The following CACNA2D4 variants were observed in gnomAD, a reference collection of about 807,000 sequenced individuals.
CACNA2D4 encodes the protein calcium voltage-gated channel auxiliary subunit alpha2delta 4, also known as voltage-dependent calcium channel subunit alpha-2/delta-4.
Under a neutral mutation model 163.8 loss-of-function variants are expected in CACNA2D4, and 157 were observed. That is an observed-to-expected ratio of 0.96 (90% CI 0.84 to 1.09). CACNA2D4 has a LOEUF of 1.09. Among genes scored for constraint, CACNA2D4 ranks in the 50% least tolerant of loss-of-function variants. The pLI is 0.00. For missense variants in CACNA2D4, 1,410 were observed against 1,479.9 expected (o/e 0.95, Z 0.78); for synonymous variants, 598 against 586.9 (o/e 1.02, Z -0.27).
chr12:1,864,428 C>T (rs899496215), intron 18 of CACNA2D4, among the ~76,000 whole-genome samples: 7 of 152,234 alleles, frequency 4.6e-5, no homozygotes, highest in African/African-American at 1.7e-4. Flanking sequence ...TCCATAGTTA[C>T]TCTGCCGTGT....
intron 1 of CACNA2D4, 101 bp downstream of exon 1, chr12:1,918,146 G>T: frequency 1.2e-6 from 1 of 833,998 alleles, no homozygotes; most frequent in Non-Finnish European, 2.0e-6. Context: ...CCAGAGGGAG[G>T]GCAGGGGCGG....
Position 1,833,044 on chromosome 12 carries a change from C to T in CACNA2D4, c.2551+7695G>A, listed in dbSNP as rs967230207. Reference sequence around the variant, plus strand: ...GGGAACTAGGCCGGGTGTCTTCAGACCCTCCTCTCCTGTGGTCGCCGGGAA... The same window carrying T: ...GGGAACTAGGCCGGGTGTCTTCAGATCCTCCTCTCCTGTGGTCGCCGGGAA... On this transcript the variant is annotated intron_variant, in intron 26 of 37. Transcript: ENST00000382722. The surrounding 1 kb of genome is among the most constrained non-coding windows in gnomAD (Gnocchi z 4.2). Among the ~76,000 whole-genome samples the T allele has an allele frequency of 6.6e-6, 1 of 152,212 alleles. No individual in the cohort carries two copies. The highest frequency in any genetic ancestry group is 2.4e-5 in the African/African-American group (1 of 41,444).
rs1374345468 is a variant in CACNA2D4, at chr12:1,828,344, G to A, written c.2551+12395C>T. The A allele has an allele frequency of 9.7e-6, 8 of 826,112 alleles. No homozygotes were observed. Among genetic ancestry groups the A allele is most frequent in the Non-Finnish European group, 1.2e-5 (7 of 560,334 alleles). The allele number at this position is 826,112 out of a possible 1,614,324, so 51.2% of individuals were successfully genotyped here. ...GAGGCCTACGCCAGATCTTCCTGGG[G>A]TACCCGAGGCTATGTTCTGGGAAGC... On this transcript the variant is annotated intron_variant, in intron 26 of 37. Coordinates refer to ENST00000382722, the MANE Select transcript of CACNA2D4 (RefSeq NM_172364.5). This position sits in a 1 kb window ranked among gnomAD's most constrained non-coding sequence, Gnocchi z 4.2.
At chr12:1,840,671 T>G in intron 26 of CACNA2D4, 68 bp downstream of exon 26, 23 of 1,337,882 alleles carry the variant, frequency 1.7e-5, no homozygotes, top group Non-Finnish European at 2.0e-5. Flanking sequence ...CCTTCTGCTG[T>G]GATCTATGCC....
intron 20 of CACNA2D4, among the ~76,000 whole-genome samples, chr12:1,856,894 G>A (rs1865412694): frequency 6.6e-6 from 1 of 152,204 alleles, no homozygotes; most frequent in Non-Finnish European, 1.5e-5. Context: ...TGGGGCATCT[G>A]TGGAGCCTCA....
At chr12:1,870,973 G>A (rs1214383532) in intron 18 of CACNA2D4, among the ~76,000 whole-genome samples, 1 of 152,238 alleles carries the variant, frequency 6.6e-6, no homozygotes, top group South Asian at 2.1e-4. Flanking sequence ...AATCCAGGGT[G>A]CAGGGATTCA....
chr12:1,913,956 C>CG (rs746366580), intron 2 of CACNA2D4, among the ~76,000 whole-genome samples: 76 of 152,240 alleles, frequency 5.0e-4, no homozygotes, highest in Non-Finnish European at 9.0e-4. Context: ...CTCCTCTCCC[C>CG]GGGCTGTGGT....
chr12:1,810,364 G>T, intron 28 of CACNA2D4, 24 bp from the exon 29 acceptor site: 2 of 1,610,374 alleles, frequency 1.2e-6, no homozygotes, highest in Non-Finnish European at 1.7e-6. Context: ...CAGAAGGGAG[G>T]TTATGCCAGG....
intron 23 of CACNA2D4, 28 bp from the exon 24 acceptor site, chr12:1,846,717 C>T (rs774899577): frequency 7.7e-6 from 12 of 1,554,750 alleles, no homozygotes; most frequent in African/African-American, 4.1e-5. Context: ...CGGGAATGGT[C>T]ACCACATGGC....
At chr12:1,858,686 A>G (rs374640364) in intron 19 of CACNA2D4, 42 bp from the exon 20 acceptor site, 23 of 1,516,526 alleles carry the variant, frequency 1.5e-5, no homozygotes, top group Non-Finnish European at 2.1e-5. Flanking sequence ...GCAGCAGCAG[A>G]TGCCGGCCTG....
intron 7 of CACNA2D4, 41 bp downstream of exon 7, chr12:1,886,968 T>G: frequency 1.4e-6 from 2 of 1,478,820 alleles, no homozygotes; most frequent in Non-Finnish European, 1.9e-6. Context: ...AGCTATGAGA[T>G]AAATACCCGG....
chr12:1,828,126 C>A lies in CACNA2D4; in HGVS notation c.2551+12613G>T. 6.6e-7 allele frequency: 1 copy of A among 1,520,882 alleles called. No homozygotes were observed. 94.2% of individuals were successfully genotyped at this position (1,520,882 alleles called of 1,614,324 possible). On this transcript the variant is annotated intron_variant, in intron 26 of 37. Coordinates refer to ENST00000382722, the MANE Select transcript of CACNA2D4 (RefSeq NM_172364.5). This position sits in a 1 kb window ranked among gnomAD's most constrained non-coding sequence, Gnocchi z 4.2. ...CTCCTCTCTCCCCAGAGCGACAGGG[C>A]CCGGAGAGCCGTGGGCCTCACCATG...
intron 18 of CACNA2D4, among the ~76,000 whole-genome samples, chr12:1,871,679 A>G (rs961064538): frequency 6.6e-6 from 1 of 151,710 alleles, no homozygotes; most frequent in Admixed American, 6.6e-5. Context: ...GTATGTGTGT[A>G]CACATGTGCT....
intron 6 of CACNA2D4, among the ~76,000 whole-genome samples, chr12:1,894,505 G>A (rs936995499): frequency 4.6e-5 from 7 of 152,076 alleles, no homozygotes; most frequent in African/African-American, 1.7e-4. Flanking sequence ...ATACTAGCAA[G>A]CCAAATCCAA....
chr12:1,855,867 T>C, intron 22 of CACNA2D4, 145 bp downstream of exon 22: 1 of 639,194 alleles, frequency 1.6e-6, no homozygotes, highest in Non-Finnish European at 2.8e-6. Flanking sequence ...TCTTTGGGAA[T>C]CTCCCTGTTT....
At chr12:1,867,867 T>C (rs1229716143) in intron 18 of CACNA2D4, among the ~76,000 whole-genome samples, 1 of 152,170 alleles carries the variant, frequency 6.6e-6, no homozygotes, top group Non-Finnish European at 1.5e-5. Flanking sequence ...TTTGAAAAGC[T>C]GCTCAACATC....
At chr12:1,796,042 A>G in intron 35 of CACNA2D4, 1 of 500,592 alleles carries the variant, frequency 2.0e-6, no homozygotes, top group Non-Finnish European at 3.6e-6. Flanking sequence ...GCCGCTTTGG[A>G]GAGTGCAGAG....
Position 1,878,598 on chromosome 12 carries a change from C to T in CACNA2D4, c.1645-209G>A, listed in dbSNP as rs1274734556. On this transcript the variant is annotated intron_variant, in intron 15 of 37. Transcript: ENST00000382722. The surrounding 1 kb of genome is among the most constrained non-coding windows in gnomAD (Gnocchi z 4.6). ...CCGGACTGTTTATAGCAACCGTCAT[C>T]ATACATATTATTACCTGACTTCTTT... Among the ~76,000 whole-genome samples the T allele has an allele frequency of 6.6e-6, 1 of 151,530 alleles. No homozygotes were observed. The highest frequency in any genetic ancestry group is 1.5e-5 in the Non-Finnish European group (1 of 68,020).
chr12:1,846,575 G>A lies in CACNA2D4; in HGVS notation c.2342+19C>T. ...TGCCCTGCAGGGATTGCCCTCCCGAGGTGGCCGGCCCAACCCACCTGTCGG... is the reference window on the plus strand; with the variant it reads ...TGCCCTGCAGGGATTGCCCTCCCGAAGTGGCCGGCCCAACCCACCTGTCGG... On this transcript the variant is annotated intron_variant, in intron 24 of 37. Transcript: ENST00000382722. 6.4e-7 allele frequency: 1 copy of A among 1,569,528 alleles called. No individual in the cohort carries two copies. The highest frequency in any genetic ancestry group is 8.6e-7 in the Non-Finnish European group (1 of 1,161,730).
Sources: allele counts gnomAD v4.1 joint callset (sites outside exome capture counted in the v4.1 genomes callset), GRCh38; gene constraint gnomAD v4.1.1; non-coding constraint Gnocchi (gnomAD v3.1); transcripts MANE v1.5; gene names NCBI Gene and HGNC (gene_info 2026-07-23, HGNC 2026-07-21).